INPP5K: variants seen among roughly 807,000 people sequenced by gnomAD.
INPP5K encodes the protein inositol polyphosphate 5-phosphatase K.
A neutral mutation model predicts 53.5 loss-of-function variants in INPP5K; 35 were observed. The observed-to-expected ratio is 0.65, with a 90% CI of 0.50 to 0.87. The LOEUF (loss-of-function observed/expected upper bound fraction) is 0.87. Ranked by LOEUF, INPP5K falls within the 40% of genes least tolerant of loss-of-function variation. INPP5K has a pLI of 0.00. For missense variants in INPP5K, 550 were observed against 586.2 expected, an observed-to-expected ratio of 0.94 and a Z score of 0.64; for synonymous variants, 253 against 232.8, an observed-to-expected ratio of 1.09 and a Z score of -0.79.
intron 7 of INPP5K, among the ~76,000 whole-genome samples, chr17:1,499,631 T>C (rs746916868): frequency 2.6e-5 from 4 of 151,824 alleles, no homozygotes; most frequent in Admixed American, 6.6e-5. Flanking sequence ...CAAAGACGAG[T>C]CTCTGACCCA....
At chr17:1,500,738 T>C (rs1461447163) in intron 7 of INPP5K, among the ~76,000 whole-genome samples, 4 of 146,576 alleles carry the variant, frequency 2.7e-5, no homozygotes, top group African/African-American at 1.0e-4. Flanking sequence ...GCATGTCACT[T>C]AGGTGTAAGC....
chr17:1,501,010 G>C (rs976824418), intron 7 of INPP5K, among the ~76,000 whole-genome samples: 8 of 148,688 alleles, frequency 5.4e-5, no homozygotes, highest in Non-Finnish European at 1.0e-4. Flanking sequence ...CCAGGCTGGA[G>C]TGCAGTGGCG....
chr17:1,515,352 A>T, intron 1 of INPP5K: 1 of 844,190 alleles, frequency 1.2e-6, no homozygotes, highest in Non-Finnish European at 1.4e-6. Flanking sequence ...TACAAGTCTT[A>T]GGGAAGCAAG....
chr17:1,512,738 G>A (rs1202689773), intron 3 of INPP5K, among the ~76,000 whole-genome samples: 1 of 152,022 alleles, frequency 6.6e-6, no homozygotes, highest in East Asian at 1.9e-4. Context: ...GACTAAGAAA[G>A]CCGCCCAAAG....
At position 1,499,214 on chromosome 17, in the gene INPP5K, C is replaced by T. The variant is rs865909765; in HGVS notation, c.777-1092G>A. 5.9e-5 allele frequency among the ~76,000 whole-genome samples: 9 copies of T among 152,306 alleles called. No individual in the cohort carries two copies. The South Asian group carries it at 1.0e-3, about 18-fold the overall frequency. ...TGCACACTGGCCTTTATGATTTCCT[C>T]TCAAGAGTCGACTGAGAGGCCGCGC... is the stretch of plus-strand genomic sequence containing the variant. On this transcript the variant is annotated intron_variant, in intron 7 of 11. Coordinates refer to ENST00000421807, the MANE Select transcript of INPP5K (RefSeq NM_016532.4).
Position 1,506,996 on chromosome 17 carries a change from T to C in INPP5K, c.760A>G (p.Asn254Asp). ...CCTCCTCACCTGGTGTCATAGTCGTTGGAGTTCCTATCAAACTTGTAGGTG... is the reference window on the plus strand; with the variant it reads ...CCTCCTCACCTGGTGTCATAGTCGTCGGAGTTCCTATCAAACTTGTAGGTG... The part of the protein sequence containing the change: ...PPTYKFDRNS[N>D]DYDTSEKKRK... The change falls in exon 7 of 12, where the codon AAC (asparagine) becomes GAC (aspartate). Residue 254 changes from asparagine to aspartate, a missense_variant. Physicochemically the swap from Asn to Asp is conservative, Grantham distance 23. Transcript: ENST00000421807. The C allele has an allele frequency of 6.2e-7, 1 of 1,613,594 alleles. No individual in the cohort carries two copies. The highest frequency in any genetic ancestry group is 8.5e-7 in the Non-Finnish European group (1 of 1,179,582).
intron 1 of INPP5K, among the ~76,000 whole-genome samples, chr17:1,514,975 C>T (rs1420934713): frequency 2.7e-5 from 4 of 147,886 alleles, no homozygotes; most frequent in African/African-American, 5.1e-5. Flanking sequence ...GGGATGATCT[C>T]GGCTCATCGC....
intron 7 of INPP5K, among the ~76,000 whole-genome samples, chr17:1,503,016 A>G (rs1273433403): frequency 1.3e-5 from 2 of 151,936 alleles, no homozygotes; most frequent in Non-Finnish European, 2.9e-5. Flanking sequence ...CAGTCTCCTG[A>G]GTAGCTGGGA....
Position 1,496,050 on chromosome 17 carries a change from C to T in INPP5K, c.1290+10G>A, listed in dbSNP as rs773147078. ...CTCACCCTTCCCCTTCCCTCACCAG[C>T]ACTGCTTACCTGGAAGGGTCTGCTT... On this transcript the variant is annotated intron_variant, in intron 11 of 11. Transcript: ENST00000421807. 1 of 1,577,812 alleles carries T rather than the reference C, an allele frequency of 6.3e-7. No homozygotes were observed. Among genetic ancestry groups the T allele is most frequent in the East Asian group, 2.2e-5 (1 of 44,586 alleles).
In INPP5K at chr17:1,516,559, C is replaced by A. The variant is rs3815465; in HGVS notation, c.-60G>T. The A allele has an allele frequency of 0.23, 352,751 of 1,505,622 alleles. 43,540 individuals are homozygous for A. Among genetic ancestry groups the A allele is most frequent in the South Asian group, 0.33 (26,075 of 79,732 alleles). The allele number at this position is 1,505,622 out of a possible 1,614,324, so 93.3% of individuals were successfully genotyped here. A position where few individuals can be genotyped will look rare whatever the true frequency, so the allele number is the denominator to read the frequency against. On this transcript the variant is annotated 5_prime_UTR_variant, in exon 1 of 12. Transcript: ENST00000421807. ...TTCGCGTCTCCCGGCCAGCGGGTCC[C>A]GGCCAGAGCAGCCCTGCGGGCGGCC...
At position 1,509,358 on chromosome 17, in the gene INPP5K, TAGAAC is replaced by T. The variant is rs749601052; in HGVS notation, c.379-10_379-6del. On this transcript the variant is annotated splice_region_variant and splice_polypyrimidine_tract_variant and intron_variant, in intron 4 of 11. Coordinates refer to ENST00000421807, the MANE Select transcript of INPP5K (RefSeq NM_016532.4). ...GTTGACTCCACCTTTGTTCCCCTGG[TAGAAC>T]AGGTCAACAGAAGAGTGGGAAGCTA... The T allele has an allele frequency of 2.5e-6, 4 of 1,611,524 alleles. No homozygotes were observed. The highest frequency in any genetic ancestry group is 1.1e-5 in the South Asian group (1 of 90,828).
chr17:1,503,330 C>A (rs1307789376), intron 7 of INPP5K, among the ~76,000 whole-genome samples: 1 of 151,840 alleles, frequency 6.6e-6, no homozygotes, highest in African/African-American at 2.4e-5. Flanking sequence ...ACTACAGGTG[C>A]CCGCCACCAT....
intron 10 of INPP5K, 71 bp downstream of exon 10, chr17:1,496,248 G>T (rs963207143): frequency 1.3e-6 from 2 of 1,495,470 alleles, no homozygotes; most frequent in Non-Finnish European, 1.8e-6. Flanking sequence ...TCAGCACTCT[G>T]TTCCTTCCAC....
rs1292361892 is a variant in INPP5K, at chr17:1,508,223, G to C, written c.558C>G (p.Leu186=). The change falls in exon 6 of 12, where the codon CTC becomes CTG. Residue 186 remains leucine, a synonymous_variant. Coordinates refer to ENST00000421807, the MANE Select transcript of INPP5K (RefSeq NM_016532.4). The part of the protein sequence containing the change: ...RDIPNILDHD[L]IIWFGDMNFR... ...AGTTCATGTCTCCAAACCAGATAAT[G>C]AGGCTTCAGAAAAAAAGGAGGGCAG... The C allele has an allele frequency of 1.2e-6, 2 of 1,612,134 alleles. No individual in the cohort carries two copies. The highest frequency in any genetic ancestry group is 3.3e-5 in the Admixed American group (2 of 60,002).
chr17:1,507,977 GC>G, intron 6 of INPP5K, 137 bp downstream of exon 6: 1 of 700,770 alleles, frequency 1.4e-6, no homozygotes, highest in Non-Finnish European at 2.5e-6. Context: ...TGGATGCGAA[GC>G]CCTGCTAGAC....
rs1017220205 is a variant in INPP5K at position 1,516,492 on chromosome 17, G to A, written c.8C>T (p.Ser3Leu). The A allele has an allele frequency of 6.3e-7, 1 of 1,585,058 alleles. No individual in the cohort carries two copies. The highest frequency in any genetic ancestry group is 1.4e-5 in the African/African-American group (1 of 72,924). The change falls in exon 1 of 12, where the codon TCG (serine) becomes TTG (leucine). Residue 3 changes from serine to leucine, a missense_variant. By Grantham distance (145) the Ser-to-Leu change is moderately radical. Transcript: ENST00000421807. ...GCCTTTCGGCCCGCTCAGCTTCCGC[G>A]AGCTCATGGCCGCCGTCGTCCCCGC... is the stretch of plus-strand genomic sequence containing the variant. MS[S>L]RKLSGPKGRR... is the part of the protein sequence containing the mutation.
rs776721764 is a variant in INPP5K, at chr17:1,508,189, C to T, written c.592G>A (p.Glu198Lys). ...CGAACAAAGTGCAACCCAAAGTCCTCGATCCGAAAGTTCATGTCTCCAAAC... is the reference window on the plus strand; with the variant it reads ...CGAACAAAGTGCAACCCAAAGTCCTTGATCCGAAAGTTCATGTCTCCAAAC... Reference protein sequence around the residue: ...IWFGDMNFRIEDFGLHFVRES... With the variant: ...IWFGDMNFRIKDFGLHFVRES... Residue 198 changes from glutamate (E) to lysine (K), a missense_variant, in exon 6 of 12, where the codon GAG (glutamate) becomes AAG (lysine). By Grantham distance (56) the Glu-to-Lys change is moderately conservative. Coordinates refer to ENST00000421807, the MANE Select transcript of INPP5K (RefSeq NM_016532.4). 6 of 1,613,926 alleles carry T rather than the reference C, an allele frequency of 3.7e-6. No individual in the cohort carries two copies. Among genetic ancestry groups the T allele is most frequent in the African/African-American group, 2.7e-5 (2 of 74,890 alleles).
Position 1,509,695 on chromosome 17 carries a change from C to G in INPP5K, c.366G>C (p.Leu122=), listed in dbSNP as rs2075261049. 6.2e-7 allele frequency: 1 copy of G among 1,603,702 alleles called. No homozygotes were observed. Among genetic ancestry groups the G allele is most frequent in the Admixed American group, 1.7e-5 (1 of 59,968 alleles). Reference sequence around the variant, plus strand: ...GCTCAGTCCTTACCCAGTACCCAAACAGGCCAGTGGGGGTGGATTTAGTAG... The same window carrying G: ...GCTCAGTCCTTACCCAGTACCCAAAGAGGCCAGTGGGGGTGGATTTAGTAG... The part of the protein sequence containing the change: ...ILSTKSTPTG[L]FGYWGNKGGV... The change falls in exon 4 of 12, where the codon CTG becomes CTC. Residue 122 remains leucine, a synonymous_variant. Transcript: ENST00000421807.
chr17:1,497,514 G>C (rs1188302071), intron 8 of INPP5K, among the ~76,000 whole-genome samples: 1 of 152,096 alleles, frequency 6.6e-6, no homozygotes, highest in Non-Finnish European at 1.5e-5. Flanking sequence ...AAACGTGAAG[G>C]CTGAGGGGCA....
Sources: gnomAD v4.1 joint callset for allele counts (sites outside exome capture counted in the v4.1 genomes callset) on GRCh38, gnomAD v4.1.1 for gene constraint, MANE v1.5 for transcripts, NCBI Gene and HGNC (gene_info 2026-07-23, HGNC 2026-07-21) for gene names.